Variants in HINFP observed in about 807,000 individuals in gnomAD.
The protein encoded by HINFP is histone H4 transcription factor.
HINFP carries 20 observed loss-of-function variants against 50.1 expected under a neutral mutation model. That is an observed-to-expected ratio of 0.40 (90% CI 0.28 to 0.58). The LOEUF is 0.58. Ranked by LOEUF, HINFP falls within the 20% of genes least tolerant of loss-of-function variation. The probability of loss-of-function intolerance (pLI) is 0.45; values close to 1 mark genes in which losing one functional copy is unlikely to be tolerated. For missense variants in HINFP, 505 were observed against 664.1 expected (o/e 0.76, Z 2.63); for synonymous variants, 247 against 243.7 (o/e 1.01, Z -0.13).
At chr11:119,127,710 AAAAAAATTTTTTTTAGAGAC>A (rs1048637371) in intron 2 of HINFP, among the ~76,000 whole-genome samples, 2 of 151,600 alleles carry the variant, frequency 1.3e-5, no homozygotes, top group African/African-American at 4.8e-5. Context: ...GCCAATTTTT[AAAAAAATTTTTTTTAGAGAC>A]AGGATCTTGC....
chr11:119,129,127 G>A (rs1248360325), intron 2 of HINFP, among the ~76,000 whole-genome samples: 1 of 151,796 alleles, frequency 6.6e-6, no homozygotes, highest in Non-Finnish European at 1.5e-5. Context: ...TGCAACCTCC[G>A]CCTCCCGGGT....
rs1305752309 is a variant in HINFP at position 119,132,952 on chromosome 11, A to G, written c.964A>G (p.Ser322Gly). 2.5e-6 allele frequency: 4 copies of G among 1,614,256 alleles called. No homozygotes were observed. The highest frequency in any genetic ancestry group is 8.5e-7 in the Non-Finnish European group (1 of 1,180,052). The change falls in exon 8 of 10, where the codon AGT (serine) becomes GGT (glycine). Residue 322 changes from serine to glycine, a missense_variant. By Grantham distance (56) the Ser-to-Gly change is moderately conservative. Transcript: ENST00000350777. ...YRCDFENCTFSARSLCSIKSH... is the reference protein window; with the variant it reads ...YRCDFENCTFGARSLCSIKSH... ...GTGTGATTTTGAGAACTGCACCTTC[A>G]GTGCCCGATCCCTCTGCTCTATCAA... is the stretch of plus-strand genomic sequence containing the variant.
At position 119,134,048 on chromosome 11, in the gene HINFP, C is replaced by T. The variant is rs1172862997; in HGVS notation, c.1140-36C>T. The T allele has an allele frequency of 1.2e-6, 2 of 1,613,764 alleles. No homozygotes were observed. The highest frequency in any genetic ancestry group is 1.1e-5 in the South Asian group (1 of 91,072). ...CTCGGCCATTTCTGTATCCCCCTGC[C>T]TGGGTTTGCTGCCCTTTATGCTCCT... On this transcript the variant is annotated intron_variant, in intron 9 of 9. Transcript: ENST00000350777. This position sits in a 1 kb window ranked among gnomAD's most constrained non-coding sequence, Gnocchi z 4.3.
chr11:119,133,284 A>T, intron 9 of HINFP, 65 bp downstream of exon 9: 1 of 1,596,134 alleles, frequency 6.3e-7, no homozygotes, highest in Non-Finnish European at 8.6e-7. Flanking sequence ...AACCAGTTTT[A>T]AAAACCTTAA....
At chr11:119,129,076 T>C (rs1465154961) in intron 2 of HINFP, among the ~76,000 whole-genome samples, 2 of 152,094 alleles carry the variant, frequency 1.3e-5, no homozygotes, top group African/African-American at 4.8e-5. Context: ...AGTCTTACTC[T>C]GTTGCTCAGG....
Position 119,131,818 on chromosome 11 carries a change from C to A in HINFP, c.524-12C>A. The A allele has an allele frequency of 6.2e-7, 1 of 1,613,340 alleles. No individual in the cohort carries two copies. The highest frequency in any genetic ancestry group is 8.5e-7 in the Non-Finnish European group (1 of 1,179,872). On this transcript the variant is annotated splice_polypyrimidine_tract_variant and intron_variant, in intron 4 of 9. Transcript: ENST00000350777. The surrounding 1 kb of genome is among the most constrained non-coding windows in gnomAD (Gnocchi z 4.2). ...GTTTTGTGGCAGGAGACTGATAGGG[C>A]TTCCTTCCCAGGCTGTACCTGCACC...
Position 119,131,117 on chromosome 11 carries a change from C to T in HINFP, c.411+163C>T. On this transcript the variant is annotated intron_variant, in intron 3 of 9. Coordinates refer to ENST00000350777, the MANE Select transcript of HINFP (RefSeq NM_198971.3). The surrounding 1 kb of genome is among the most constrained non-coding windows in gnomAD (Gnocchi z 4.2). Reference sequence around the variant, plus strand: ...TTTGTTTATTTTTTACACACAGGCTCTTGATCTGAAGCCCAGGCTAGAGTG... The same window carrying T: ...TTTGTTTATTTTTTACACACAGGCTTTTGATCTGAAGCCCAGGCTAGAGTG... 1 of 727,518 alleles carries T rather than the reference C, an allele frequency of 1.4e-6. No individual in the cohort carries two copies. The highest frequency in any genetic ancestry group is 2.4e-6 in the Non-Finnish European group (1 of 409,956). The allele number at this position is 727,518 out of a possible 1,614,324, so 45.1% of individuals were successfully genotyped here.
intron 1 of HINFP, among the ~76,000 whole-genome samples, chr11:119,123,417 C>CT (rs1947197652): frequency 6.6e-6 from 1 of 152,190 alleles, no homozygotes; most frequent in Admixed American, 6.5e-5. Flanking sequence ...ATTGAGACCA[C>CT]TTTGAGAAGA....
intron 2 of HINFP, among the ~76,000 whole-genome samples, chr11:119,127,652 C>T (rs957109492): frequency 2.0e-5 from 3 of 151,668 alleles, no homozygotes; most frequent in African/African-American, 7.3e-5. Flanking sequence ...ATCCTCCTGC[C>T]TCAACCTCCC....
Position 119,131,426 on chromosome 11 carries a change from T to A in HINFP, c.412-109T>A. On this transcript the variant is annotated intron_variant, in intron 3 of 9. Transcript: ENST00000350777. The surrounding 1 kb of genome is among the most constrained non-coding windows in gnomAD (Gnocchi z 4.2). The stretch of plus-strand genomic sequence containing the variant: ...CTGTGCAGTGCCTTTCCTCAAAATT[T>A]CCCATCCCCATCAAGTTAATTTGGG... 3.8e-6 allele frequency: 3 copies of A among 798,556 alleles called. No individual in the cohort carries two copies. The highest frequency in any genetic ancestry group is 6.6e-6 in the Non-Finnish European group (3 of 452,816). The allele number at this position is 798,556 out of a possible 1,614,324, so 49.5% of individuals were successfully genotyped here. A position where few individuals can be genotyped will look rare whatever the true frequency, so the allele number is the denominator to read the frequency against.
intron 9 of HINFP, chr11:119,133,743 A>G (rs376079112): frequency 2.6e-6 from 1 of 386,342 alleles, no homozygotes; most frequent in African/African-American, 2.0e-5. Context: ...ATGGTGCCAA[A>G]AAGTCCTGCA....
In HINFP at chr11:119,132,507, C is replaced by A; in HGVS notation, c.688C>A (p.Gln230Lys). Residue 230 changes from glutamine (Q) to lysine (K), a missense_variant, in exon 6 of 10, where the codon CAG becomes AAG. Coordinates refer to ENST00000350777, the MANE Select transcript of HINFP (RefSeq NM_198971.3). ...CTGCCCCACCCCAGAGCAGCACTTC[C>A]AGTGTTCTCACTGTTCCAAGAGATT... ...RQTSLDQQHF[Q>K]CSHCSKRFAT... 6.2e-7 allele frequency: 1 copy of A among 1,614,152 alleles called. No homozygotes were observed. The highest frequency in any genetic ancestry group is 8.5e-7 in the Non-Finnish European group (1 of 1,180,032).
At position 119,131,309 on chromosome 11, in the gene HINFP, G is replaced by A. The variant is rs112085474; in HGVS notation, c.412-226G>A. The A allele has an allele frequency of 5.3e-3, 3,082 of 581,008 alleles. 18 individuals are homozygous for A. The highest frequency in any genetic ancestry group is 7.9e-3 in the Non-Finnish European group (2,544 of 321,290). 36.0% of individuals were successfully genotyped at this position (581,008 alleles called of 1,614,324 possible). ...TGGGTGTGTTGCCCAGGCCGGTCTC[G>A]AACTCTTGGCCTCAAGTGATTCTCC... On this transcript the variant is annotated intron_variant, in intron 3 of 9. Transcript: ENST00000350777. The surrounding 1 kb of genome is among the most constrained non-coding windows in gnomAD (Gnocchi z 4.2).
rs1947732494 is a variant in HINFP, at chr11:119,131,174, G to C, written c.411+220G>C. Reference sequence around the variant, plus strand: ...TACAATCATAGCTCACTGTAACCTTGAACTCCTGGGCTCAAGCAATCCTCC... The same window carrying C: ...TACAATCATAGCTCACTGTAACCTTCAACTCCTGGGCTCAAGCAATCCTCC... On this transcript the variant is annotated intron_variant, in intron 3 of 9. Coordinates refer to ENST00000350777, the MANE Select transcript of HINFP (RefSeq NM_198971.3). The surrounding 1 kb of genome is among the most constrained non-coding windows in gnomAD (Gnocchi z 4.2). 5 of 673,148 alleles carry C rather than the reference G, an allele frequency of 7.4e-6. No individual in the cohort carries two copies. In the East Asian group the frequency reaches 1.4e-4, roughly 19 times the overall value. The allele number at this position is 673,148 out of a possible 1,614,324, so 41.7% of individuals were successfully genotyped here.
At chr11:119,123,160 G>A (rs1001265047) in intron 1 of HINFP, among the ~76,000 whole-genome samples, 4 of 137,210 alleles carry the variant, frequency 2.9e-5, no homozygotes, top group African/African-American at 8.0e-5. Context: ...AAGAACTTGC[G>A]TAGGCAGAGA....
At position 119,131,745 on chromosome 11, in the gene HINFP, C is replaced by CT; in HGVS notation, c.524-84dup. On this transcript the variant is annotated intron_variant, in intron 4 of 9. Transcript: ENST00000350777. This position sits in a 1 kb window ranked among gnomAD's most constrained non-coding sequence, Gnocchi z 4.2. ...AGGGGTCCTACAGGGGCAAGGTTGACTGCCGGCTGGAGAGACTCAGGGGTA... is the reference window on the plus strand; with the variant it reads ...AGGGGTCCTACAGGGGCAAGGTTGACTTGCCGGCTGGAGAGACTCAGGGGTA... 3.1e-6 allele frequency: 5 copies of CT among 1,601,916 alleles called. No individual in the cohort carries two copies. Among genetic ancestry groups the CT allele is most frequent in the Non-Finnish European group, 4.3e-6 (5 of 1,170,304 alleles).
intron 2 of HINFP, among the ~76,000 whole-genome samples, chr11:119,128,553 C>G (rs896681812): frequency 2.6e-5 from 4 of 151,642 alleles, no homozygotes; most frequent in Non-Finnish European, 4.4e-5. Context: ...GTCTTGAACT[C>G]CTGACCTCAG....
chr11:119,135,608 C>T lies in HINFP; in HGVS notation c.*1110C>T, dbSNP rs997908569. 6.6e-6 allele frequency: 1 copy of T among 152,220 alleles called. No homozygotes were observed. Among genetic ancestry groups the T allele is most frequent in the African/African-American group, 2.4e-5 (1 of 41,450 alleles). 9.4% of individuals were successfully genotyped at this position (152,220 alleles called of 1,614,324 possible). On this transcript the variant is annotated 3_prime_UTR_variant, in exon 10 of 10. Coordinates refer to ENST00000350777, the MANE Select transcript of HINFP (RefSeq NM_198971.3). ...ATCATTTCGTCTGGTTCAGCTGCTT[C>T]TCAGCACCCTGTGTCCATTTTTATG...
At chr11:119,133,533 C>A in intron 9 of HINFP, 1 of 291,140 alleles carries the variant, frequency 3.4e-6, no homozygotes, top group South Asian at 4.6e-5. Context: ...GAGCTGAGAT[C>A]ATGCCACTGC....
Sources: allele counts gnomAD v4.1 joint callset (sites outside exome capture counted in the v4.1 genomes callset), GRCh38; gene constraint gnomAD v4.1.1; non-coding constraint Gnocchi (gnomAD v3.1); transcripts MANE v1.5; gene names NCBI Gene and HGNC (gene_info 2026-07-23, HGNC 2026-07-21).